MXI1: variants seen among roughly 807,000 people sequenced by gnomAD.
MXI1 encodes the protein MAX interactor 1, dimerization protein, also known as max-interacting protein 1.
In MXI1, 18 loss-of-function variants were observed where a neutral mutation model predicts 36.9. The observed-to-expected ratio is 0.49, with a 90% CI of 0.34 to 0.72. MXI1 has a LOEUF of 0.72. Among genes scored for constraint, MXI1 ranks in the 30% least tolerant of loss-of-function variants. MXI1 has a pLI of 0.01. For missense variants in MXI1, 304 were observed against 379.1 expected, an observed-to-expected ratio of 0.80 and a Z score of 1.64; for synonymous variants, 160 against 146.7, an observed-to-expected ratio of 1.09 and a Z score of -0.65.
intron 2 of MXI1, among the ~76,000 whole-genome samples, chr10:110,241,494 A>C (rs563473384): frequency 2.2e-4 from 34 of 152,036 alleles, no homozygotes; most frequent in African/African-American, 7.5e-4. Context: ...GATACATTTA[A>C]TTACTTGTTT....
chr10:110,214,419 C>T (rs545123241), intron 1 of MXI1, among the ~76,000 whole-genome samples: 1 of 152,092 alleles, frequency 6.6e-6, no homozygotes, highest in Admixed American at 6.5e-5. Flanking sequence ...ACACCACCCC[C>T]CTCCTGCTGC....
chr10:110,235,907 T>A (rs190075403), intron 2 of MXI1, among the ~76,000 whole-genome samples: 13 of 151,986 alleles, frequency 8.6e-5, no homozygotes, highest in African/African-American at 3.1e-4. Context: ...CTTGGGAGGC[T>A]GAAGCAGGAG....
At chr10:110,214,462 G>A (rs527878712) in intron 1 of MXI1, among the ~76,000 whole-genome samples, 1 of 151,962 alleles carries the variant, frequency 6.6e-6, no homozygotes, top group Non-Finnish European at 1.5e-5. Context: ...GCATATTAGA[G>A]GACTTGGGGC....
intron 2 of MXI1, among the ~76,000 whole-genome samples, chr10:110,244,328 GT>G (rs1178415587): frequency 1.3e-5 from 2 of 151,668 alleles, no homozygotes; most frequent in African/African-American, 4.8e-5. Context: ...ACAAAATAAG[GT>G]GGGAAGACTT....
chr10:110,251,535 C>G (rs1431047189), intron 3 of MXI1, among the ~76,000 whole-genome samples: 1 of 151,992 alleles, frequency 6.6e-6, no homozygotes, highest in Non-Finnish European at 1.5e-5. Context: ...ATGAAACTCA[C>G]TAGTGGTCTA....
In MXI1 at chr10:110,271,087, G is replaced by A. The variant is rs11815855; in HGVS notation, c.438-8093G>A. Reference sequence around the variant, plus strand: ...AGCTTGGGCAACAGAGTGAAACTACGTCTCAAAAAAAAAAAAAAGTGTTGA... The same window carrying A: ...AGCTTGGGCAACAGAGTGAAACTACATCTCAAAAAAAAAAAAAAGTGTTGA... On this transcript the variant is annotated intron_variant, in intron 3 of 5. Transcript: ENST00000332674. Among the ~76,000 whole-genome samples, 815 of 138,036 alleles carry A rather than the reference G, an allele frequency of 5.9e-3. 11 individuals carry two copies. Among genetic ancestry groups the A allele is most frequent in the African/African-American group, 0.023 (786 of 33,698 alleles). 90.6% of individuals were successfully genotyped at this position (138,036 alleles called of 152,430 possible).
At chr10:110,228,045 A>G (rs987948552) in intron 1 of MXI1, 144 bp from the exon 2 acceptor site, 15 of 880,706 alleles carry the variant, frequency 1.7e-5, no homozygotes, top group Non-Finnish European at 2.6e-5. Context: ...GAGGGACATT[A>G]ATTTTCTAAC....
Position 110,236,124 on chromosome 10 carries a change from C to CTTTTTTTT in MXI1, c.407+7835_407+7842dup, listed in dbSNP as rs60576710. Among the ~76,000 whole-genome samples the CTTTTTTTT allele has an allele frequency of 5.7e-4, 19 of 33,576 alleles. 8 individuals are homozygous for CTTTTTTTT. Among genetic ancestry groups the CTTTTTTTT allele is most frequent in the Non-Finnish European group, 9.5e-4 (17 of 17,976 alleles). The allele number at this position is 33,576 out of a possible 152,430, so 22.0% of individuals were successfully genotyped here. A position where few individuals can be genotyped will look rare whatever the true frequency, so the allele number is the denominator to read the frequency against. ...AGGGTGTGAAGTAAAGGTTGAAGTT[C>CTTTTTTTT]TTTTTTTTTTTTTTTTTTTTTTTTT... On this transcript the variant is annotated intron_variant, in intron 2 of 5. Coordinates refer to ENST00000332674, the MANE Select transcript of MXI1 (RefSeq NM_130439.3).
intron 3 of MXI1, among the ~76,000 whole-genome samples, chr10:110,258,678 T>G (rs934792965): frequency 3.9e-5 from 6 of 152,136 alleles, no homozygotes; most frequent in Non-Finnish European, 4.4e-5. Flanking sequence ...AGAGTTAGAA[T>G]TGAATGCTAT....
chr10:110,244,079 A>C (rs1018188267), intron 2 of MXI1, among the ~76,000 whole-genome samples: 1 of 152,064 alleles, frequency 6.6e-6, no homozygotes, highest in Non-Finnish European at 1.5e-5. Context: ...TTTAGGGATA[A>C]AATAAGATAT....
intron 1 of MXI1, among the ~76,000 whole-genome samples, chr10:110,209,338 TGA>T (rs764550489): frequency 3.3e-5 from 5 of 151,822 alleles, no homozygotes; most frequent in Non-Finnish European, 7.4e-5. Flanking sequence ...CGTGTGTGTG[TGA>T]GAGAGAGAGA....
intron 2 of MXI1, among the ~76,000 whole-genome samples, chr10:110,237,721 A>G (rs894336501): frequency 6.6e-5 from 10 of 152,316 alleles, no homozygotes; most frequent in African/African-American, 2.4e-4. Context: ...AGAGGTTCCT[A>G]CAGCCCCTTC....
intron 2 of MXI1, among the ~76,000 whole-genome samples, chr10:110,239,207 G>A (rs1855578023): frequency 1.3e-5 from 2 of 152,128 alleles, no homozygotes; most frequent in Non-Finnish European, 2.9e-5. Context: ...CTCACAAAAT[G>A]CCAGTAGCCT....
chr10:110,252,024 A>G (rs912019434), intron 3 of MXI1, among the ~76,000 whole-genome samples: 1 of 152,164 alleles, frequency 6.6e-6, no homozygotes, highest in Non-Finnish European at 1.5e-5. Flanking sequence ...AAAGCATTTA[A>G]AAAAGTACAA....
chr10:110,250,792 A>G (rs1032625017), intron 3 of MXI1, among the ~76,000 whole-genome samples: 8 of 148,778 alleles, frequency 5.4e-5, no homozygotes, highest in Non-Finnish European at 1.0e-4. Flanking sequence ...AGATCACACC[A>G]CTGCATTCCA....
chr10:110,217,896 G>A (rs1026673344), intron 1 of MXI1, among the ~76,000 whole-genome samples: 1 of 152,178 alleles, frequency 6.6e-6, no homozygotes, highest in Non-Finnish European at 1.5e-5. Flanking sequence ...TGCCCTCCTA[G>A]TATTGAGCAT....
chr10:110,273,286 A>T (rs1000414554), intron 3 of MXI1, among the ~76,000 whole-genome samples: 1 of 151,854 alleles, frequency 6.6e-6, no homozygotes, highest in African/African-American at 2.4e-5. Context: ...TGACCTCATG[A>T]TCCGCCCGCC....
chr10:110,218,662 C>T (rs893468485), intron 1 of MXI1, among the ~76,000 whole-genome samples: 7 of 152,144 alleles, frequency 4.6e-5, no homozygotes, highest in African/African-American at 1.7e-4. Context: ...CTGCTTGCAC[C>T]TGCAGTAGTA....
At chr10:110,233,922 C>T (rs979698567) in intron 2 of MXI1, among the ~76,000 whole-genome samples, 18 of 151,968 alleles carry the variant, frequency 1.2e-4, no homozygotes, top group Admixed American at 7.9e-4. Flanking sequence ...TGTTCCTAGT[C>T]GATGAAAGGC....
Sources: allele counts gnomAD v4.1 joint callset (sites outside exome capture counted in the v4.1 genomes callset), GRCh38; gene constraint gnomAD v4.1.1; transcripts MANE v1.5; gene names NCBI Gene and HGNC (gene_info 2026-07-23, HGNC 2026-07-21).